Variants in SNTG1 observed in about 807,000 individuals in gnomAD.
SNTG1 encodes gamma-1-syntrophin.
Under a neutral mutation model 74.7 loss-of-function variants are expected in SNTG1, and 39 were observed. The ratio of observed to expected loss-of-function variants is 0.52; its 90% CI spans 0.40 to 0.68. SNTG1 has a LOEUF of 0.68. SNTG1 is among the 30% of genes least tolerant of loss of function. The pLI is 0.00. For missense variants in SNTG1, 685 were observed against 609.5 expected (o/e 1.12, Z -1.30); for synonymous variants, 254 against 217.1 (o/e 1.17, Z -1.49).
Position 50,040,363 on chromosome 8 carries a change from T to C in SNTG1, c.-103+128132T>C, listed in dbSNP as rs12680989. ...CACAGACTTTTTGTTATAAAACTTA[T>C]AGCGTGCTTATTTTTTCTATCTCAT... On this transcript the variant is annotated intron_variant, in intron 1 of 18. Coordinates refer to ENST00000642720, the MANE Select transcript of SNTG1 (RefSeq NM_018967.5). Among the ~76,000 whole-genome samples, 45 of 152,350 alleles carry C rather than the reference T, an allele frequency of 3.0e-4. 1 individual carries two copies. Among genetic ancestry groups the C allele is most frequent in the African/African-American group, 1.0e-3 (43 of 41,592 alleles).
intron 13 of SNTG1, among the ~76,000 whole-genome samples, chr8:50,645,281 T>C (rs1366184930): frequency 1.3e-5 from 2 of 152,156 alleles, no homozygotes; most frequent in African/African-American, 4.8e-5. Flanking sequence ...AACTCATATA[T>C]TGGGTTTATC....
rs1008040805 is a variant in SNTG1, at chr8:50,796,127, C to G, written c.*3298C>G. 4 of 151,942 alleles carry G rather than the reference C, an allele frequency of 2.6e-5. No homozygotes were observed. The highest frequency in any genetic ancestry group is 6.6e-5 in the Admixed American group (1 of 15,228). 9.4% of individuals were successfully genotyped at this position (151,942 alleles called of 1,614,324 possible). ...TCATGAACTTTGTCTATGTTGAATG[C>G]TGGATTTAAGAAAAGCTTGATTTAT... On this transcript the variant is annotated 3_prime_UTR_variant, in exon 19 of 19. Transcript: ENST00000642720.
chr8:50,388,001 C>T (rs4339654), intron 2 of SNTG1, among the ~76,000 whole-genome samples: 104,661 of 152,044 alleles, frequency 0.69, 36,250 homozygotes, highest in East Asian at 0.84. Context: ...TCCCAATCAA[C>T]GTCTGTGTTT....
At chr8:50,090,683 G>A (rs1295870874) in intron 1 of SNTG1, among the ~76,000 whole-genome samples, 3 of 152,100 alleles carry the variant, frequency 2.0e-5, no homozygotes, top group Admixed American at 6.6e-5. Flanking sequence ...AATCAAAAAC[G>A]AGTGTGTGAT....
At chr8:50,288,632 A>G (rs890916284) in intron 2 of SNTG1, among the ~76,000 whole-genome samples, 1 of 152,188 alleles carries the variant, frequency 6.6e-6, no homozygotes, top group Non-Finnish European at 1.5e-5. Context: ...ACTCAGAAAC[A>G]TCAAAGATTT....
chr8:50,448,324 T>A (rs562593552), intron 5 of SNTG1, among the ~76,000 whole-genome samples: 3 of 152,182 alleles, frequency 2.0e-5, no homozygotes, highest in African/African-American at 7.2e-5. Context: ...AAAAAAAAAA[T>A]TCAATATTCC....
At chr8:50,068,524 ACCCCCAC>A (rs1231763353) in intron 1 of SNTG1, among the ~76,000 whole-genome samples, 3 of 151,624 alleles carry the variant, frequency 2.0e-5, no homozygotes, top group Non-Finnish European at 4.4e-5. Flanking sequence ...CTGGGGCCAC[ACCCCCAC>A]CCCTGCCAGC....
intron 8 of SNTG1, among the ~76,000 whole-genome samples, chr8:50,494,388 T>G (rs1418225736): frequency 1.3e-5 from 2 of 151,988 alleles, no homozygotes; most frequent in African/African-American, 2.4e-5. Flanking sequence ...CTACCACATC[T>G]GCCTTTATTT....
rs780397244 is a variant in SNTG1, at chr8:50,502,867, T to C, written c.453T>C (p.Asn151=). 10 of 1,612,504 alleles carry C rather than the reference T, an allele frequency of 6.2e-6. No homozygotes were observed. In the Admixed American group the frequency reaches 1.5e-4, roughly 24 times the overall value. Residue 151 remains asparagine, a synonymous_variant, in exon 9 of 19, where the codon AAT becomes AAC. Coordinates refer to ENST00000642720, the MANE Select transcript of SNTG1 (RefSeq NM_018967.5). The part of the protein sequence containing the change: ...RAPAFLKLPL[N]EDCACAPSDQ... ...CTGCTTTCCTCAAACTCCCATTGAA[T>C]GAAGATTGTGCATGTAAGCATTTAT...
chr8:50,171,886 G>C (rs1156927090), intron 1 of SNTG1, among the ~76,000 whole-genome samples: 1 of 152,090 alleles, frequency 6.6e-6, no homozygotes, highest in Non-Finnish European at 1.5e-5. Flanking sequence ...GATAACCACT[G>C]CTCTATTAAA....
chr8:50,373,577 T>A (rs554377760), intron 2 of SNTG1, among the ~76,000 whole-genome samples: 125 of 152,336 alleles, frequency 8.2e-4, no homozygotes, highest in African/African-American at 3.0e-3. Flanking sequence ...AATAGATAAC[T>A]ATTTTTCAGG....
At chr8:50,085,976 T>G (rs934872346) in intron 1 of SNTG1, among the ~76,000 whole-genome samples, 1 of 152,098 alleles carries the variant, frequency 6.6e-6, no homozygotes, top group Admixed American at 6.6e-5. Flanking sequence ...ACAATGAGGA[T>G]TTACTTTTTT....
chr8:50,740,981 G>A (rs140394764), intron 17 of SNTG1, among the ~76,000 whole-genome samples: 32 of 152,148 alleles, frequency 2.1e-4, no homozygotes, highest in African/African-American at 6.7e-4. Context: ...ATACACTGAG[G>A]CCTATCAGAG....
intron 17 of SNTG1, among the ~76,000 whole-genome samples, chr8:50,748,968 C>T (rs1281268134): frequency 6.6e-6 from 1 of 152,024 alleles, no homozygotes; most frequent in Non-Finnish European, 1.5e-5. Flanking sequence ...AAATGAAAGA[C>T]TCACATGCCT....
At chr8:50,335,909 C>T (rs1475383669) in intron 2 of SNTG1, among the ~76,000 whole-genome samples, 9 of 150,732 alleles carry the variant, frequency 6.0e-5, no homozygotes, top group Non-Finnish European at 1.2e-4. Context: ...ACAATTTCTA[C>T]ATTAGTCAAG....
chr8:50,613,007 T>C (rs1468079043), intron 13 of SNTG1, among the ~76,000 whole-genome samples: 1 of 152,102 alleles, frequency 6.6e-6, no homozygotes, highest in East Asian at 1.9e-4. Flanking sequence ...ATTACTGAGG[T>C]TACCAAGGCT....
At chr8:50,428,386 C>T (rs1457398438) in intron 4 of SNTG1, among the ~76,000 whole-genome samples, 2 of 152,132 alleles carry the variant, frequency 1.3e-5, no homozygotes, top group African/African-American at 4.8e-5. Flanking sequence ...TCCTGCATTT[C>T]AATCCAGAGA....
intron 1 of SNTG1, among the ~76,000 whole-genome samples, chr8:50,140,922 CT>C (rs1209512720): frequency 6.6e-6 from 1 of 152,124 alleles, no homozygotes; most frequent in Non-Finnish European, 1.5e-5. Flanking sequence ...CATCTAAGCT[CT>C]TTACTAATTA....
At chr8:50,263,998 G>A (rs1276050770) in intron 2 of SNTG1, among the ~76,000 whole-genome samples, 1 of 152,078 alleles carries the variant, frequency 6.6e-6, no homozygotes, top group African/African-American at 2.4e-5. Flanking sequence ...TGAATGCAAT[G>A]GATGAAAAGC....
Sources: gnomAD v4.1 joint callset for allele counts (sites outside exome capture counted in the v4.1 genomes callset) on GRCh38, gnomAD v4.1.1 for gene constraint, MANE v1.5 for transcripts, NCBI Gene and HGNC (gene_info 2026-07-23, HGNC 2026-07-21) for gene names.